TPST2: variants seen among roughly 807,000 people sequenced by gnomAD.
TPST2 encodes protein-tyrosine sulfotransferase 2.
Under a neutral mutation model 27.8 loss-of-function variants are expected in TPST2, and 16 were observed. The observed-to-expected ratio is 0.58, with a 90% CI of 0.39 to 0.88. TPST2 has a LOEUF of 0.88. Among genes scored for constraint, TPST2 ranks in the 40% least tolerant of loss-of-function variants. The probability of loss-of-function intolerance (pLI) is 0.00; values close to 1 mark genes in which losing one functional copy is unlikely to be tolerated. For missense variants in TPST2, 464 were observed against 543.1 expected, an observed-to-expected ratio of 0.85 and a Z score of 1.45; for synonymous variants, 229 against 231.7, an observed-to-expected ratio of 0.99 and a Z score of 0.10.
chr22:26,566,208 G>A (rs1420595667), intron 1 of TPST2, among the ~76,000 whole-genome samples: 1 of 151,982 alleles, frequency 6.6e-6, no homozygotes, highest in East Asian at 1.9e-4. Context: ...CCTGAGGTCA[G>A]GAGTTAGAGA....
chr22:26,542,019 G>A (rs1302487037), intron 2 of TPST2, among the ~76,000 whole-genome samples: 2 of 151,172 alleles, frequency 1.3e-5, no homozygotes, highest in South Asian at 2.1e-4. Flanking sequence ...CCGGTCCAGC[G>A]GATCATGAGG....
intron 4 of TPST2, among the ~76,000 whole-genome samples, chr22:26,535,257 C>A (rs1002907381): frequency 6.6e-6 from 1 of 152,212 alleles, no homozygotes; most frequent in Admixed American, 6.5e-5. Context: ...TCAGCACACG[C>A]TCAGAAATGC....
At chr22:26,543,802 C>G (rs1925981925) in intron 2 of TPST2, among the ~76,000 whole-genome samples, 1 of 152,164 alleles carries the variant, frequency 6.6e-6, no homozygotes, top group Non-Finnish European at 1.5e-5. Flanking sequence ...CAGAAGTGAG[C>G]AGAAGACAGC....
chr22:26,582,696 C>A (rs991533917), intron 1 of TPST2, among the ~76,000 whole-genome samples: 1 of 152,118 alleles, frequency 6.6e-6, no homozygotes, highest in Non-Finnish European at 1.5e-5. Flanking sequence ...TAGTGGAAGA[C>A]GTCACTCAGT....
At chr22:26,545,091 G>C (rs1926048686) in intron 1 of TPST2, among the ~76,000 whole-genome samples, 1 of 152,192 alleles carries the variant, frequency 6.6e-6, no homozygotes, top group Admixed American at 6.5e-5. Context: ...GGTTGATCAG[G>C]TTGTGGACTG....
intron 3 of TPST2, among the ~76,000 whole-genome samples, chr22:26,539,723 C>G (rs780206215): frequency 6.6e-6 from 1 of 152,008 alleles, no homozygotes. Flanking sequence ...TAGCTGGGAT[C>G]GTGCCACTGC....
intron 1 of TPST2, among the ~76,000 whole-genome samples, chr22:26,568,298 C>G (rs986496515): frequency 4.6e-5 from 7 of 152,202 alleles, no homozygotes; most frequent in African/African-American, 1.7e-4. Context: ...ACAAGAAAGA[C>G]CATAACGCGT....
At chr22:26,530,438 T>G (rs553415971) in intron 5 of TPST2, among the ~76,000 whole-genome samples, 1 of 152,220 alleles carries the variant, frequency 6.6e-6, no homozygotes, top group East Asian at 1.9e-4. Flanking sequence ...GGTTCCAATT[T>G]TTGCAGTATT....
intron 1 of TPST2, among the ~76,000 whole-genome samples, chr22:26,563,460 C>A (rs1347986493): frequency 4.6e-5 from 7 of 152,058 alleles, no homozygotes; most frequent in Non-Finnish European, 1.5e-5. Context: ...TCCCAAGTAG[C>A]TGGGACTACA....
At chr22:26,528,296 C>T (rs375284473) in intron 5 of TPST2, 34 bp from the exon 6 acceptor site, 88 of 1,555,238 alleles carry the variant, frequency 5.7e-5, no homozygotes, top group Admixed American at 2.5e-4. Flanking sequence ...GAAGGGGTCA[C>T]GGCCAGGTGA....
At chr22:26,569,899 C>A (rs1927533698) in intron 1 of TPST2, among the ~76,000 whole-genome samples, 1 of 144,930 alleles carries the variant, frequency 6.9e-6, no homozygotes, top group Non-Finnish European at 1.5e-5. Flanking sequence ...TTGCAGTGGG[C>A]CGAGATCATG....
At position 26,541,297 on chromosome 22, in the gene TPST2, C is replaced by T. The variant is rs142901851; in HGVS notation, c.334G>A (p.Ala112Thr). ...IIPRVLAMRQ[A>T]WSKSGREKLR... ...TTCTCACGGCCAGACTTGGACCAGG[C>T]CTGGCGCATGGCCAGCACGCGCGGG... The change falls in exon 3 of 7, where the codon GCC becomes ACC. Residue 112 changes from alanine (A) to threonine (T), a missense_variant. Ala to Thr is a moderately conservative substitution (Grantham distance 58, BLOSUM62 0). Transcript: ENST00000338754. The surrounding 1 kb of genome is among the most constrained non-coding windows in gnomAD (Gnocchi z 5.9). 1,187 of 1,542,448 alleles carry T rather than the reference C, an allele frequency of 7.7e-4. 8 individuals carry two copies. The highest frequency in any genetic ancestry group is 1.8e-4 in the Non-Finnish European group (203 of 1,142,976).
intron 1 of TPST2, chr22:26,550,738 C>CT (rs1274946041): frequency 1.2e-6 from 1 of 807,674 alleles, no homozygotes; most frequent in Non-Finnish European, 1.5e-6. Flanking sequence ...CACCAACTCC[C>CT]ACCCACCACG....
chr22:26,558,442 T>C (rs1926915561), intron 1 of TPST2, among the ~76,000 whole-genome samples: 1 of 151,892 alleles, frequency 6.6e-6, no homozygotes, highest in Non-Finnish European at 1.5e-5. Context: ...TGCTTGGCCT[T>C]AAACAAAACA....
Position 26,562,308 on chromosome 22 carries a change from C to A in TPST2, c.-160-17633G>T, listed in dbSNP as rs187311716. On this transcript the variant is annotated intron_variant, in intron 1 of 6. Transcript: ENST00000338754. ...ATGCTTAGGGGCTGCTGGAGAGATG[C>A]AACACAATAAAACAACAATGGTGTC... is the stretch of plus-strand genomic sequence containing the variant. Among the ~76,000 whole-genome samples the A allele has an allele frequency of 1.5e-3, 228 of 152,298 alleles. 2 individuals are homozygous for A. Among genetic ancestry groups the A allele is most frequent in the Middle Eastern group, 6.8e-3 (2 of 294 alleles).
chr22:26,585,349 C>A (rs905390453), intron 1 of TPST2, among the ~76,000 whole-genome samples: 8 of 66 alleles, frequency 0.12, no homozygotes, highest in African/African-American at 0.27. Context: ...GGCCTGTGGG[C>A]ACTGCCTCTG....
chr22:26,532,256 A>G (rs1664080393), intron 5 of TPST2, among the ~76,000 whole-genome samples: 1 of 152,330 alleles, frequency 6.6e-6, no homozygotes, highest in Admixed American at 6.5e-5. Context: ...CCTCTGGTCC[A>G]GCACGCATCC....
chr22:26,586,621 TA>T (rs999203391), intron 1 of TPST2, among the ~76,000 whole-genome samples: 38 of 152,076 alleles, frequency 2.5e-4, no homozygotes, highest in African/African-American at 7.7e-4. Flanking sequence ...CAAAAAAGAA[TA>T]AAGTCACGAG....
intron 1 of TPST2, among the ~76,000 whole-genome samples, chr22:26,578,094 T>C (rs1927932648): frequency 1.3e-5 from 2 of 152,132 alleles, no homozygotes; most frequent in Admixed American, 1.3e-4. Context: ...TCAATTAAAA[T>C]CAATTATATA....
Sources: gnomAD v4.1 joint callset for allele counts (sites outside exome capture counted in the v4.1 genomes callset) on GRCh38, gnomAD v4.1.1 for gene constraint, Gnocchi (gnomAD v3.1) non-coding constraint, MANE v1.5 for transcripts, NCBI Gene and HGNC (gene_info 2026-07-23, HGNC 2026-07-21) for gene names.